Variants in BET1 observed in about 807,000 individuals in gnomAD.
BET1 encodes the protein BET1 homolog.
A neutral mutation model predicts 13.9 loss-of-function variants in BET1; 9 were observed. The ratio of observed to expected loss-of-function variants is 0.65; its 90% CI spans 0.39 to 1.13. The LOEUF is 1.13. Ranked by LOEUF, BET1 falls within the 50% of genes most tolerant of loss-of-function variation. The probability of loss-of-function intolerance (pLI) is 0.01; values close to 1 mark genes in which losing one functional copy is unlikely to be tolerated. For synonymous variants in BET1, 39 were observed against 47.3 expected, an observed-to-expected ratio of 0.82 and a Z score of 0.72; for missense variants, 127 against 133.6, an observed-to-expected ratio of 0.95 and a Z score of 0.24.
chr7:93,992,287 G>C (rs1795652328), downstream of BET1: 2 of 985,204 alleles, frequency 2.0e-6, no homozygotes, highest in African/African-American at 3.5e-5. Context: ...CTATCTGCTT[G>C]ATGATACTGT....
At chr7:93,994,426 C>A in intron 3 of BET1, 41 bp from the exon 4 acceptor site, 1 of 1,576,428 alleles carries the variant, frequency 6.3e-7, no homozygotes, top group Non-Finnish European at 8.7e-7. Flanking sequence ...CAGTTAGATT[C>A]TAAGAGTCTA....
chr7:93,997,881 C>A (rs2116130327), intron 2 of BET1, among the ~76,000 whole-genome samples: 2 of 152,176 alleles, frequency 1.3e-5, no homozygotes, highest in Middle Eastern at 3.4e-3. Flanking sequence ...ACAAATAATG[C>A]CAATGCAAAT....
In BET1 at chr7:93,994,027, G is replaced by A. The variant is rs1485787030; in HGVS notation, c.*203C>T. Reference sequence around the variant, plus strand: ...CACCCTCTCACTACCCCTGAAAATAGGGGCTAAAATGAGTCATTAAGAAAC... The same window carrying A: ...CACCCTCTCACTACCCCTGAAAATAAGGGCTAAAATGAGTCATTAAGAAAC... On this transcript the variant is annotated 3_prime_UTR_variant, in exon 4 of 4. Coordinates refer to ENST00000222547, the MANE Select transcript of BET1 (RefSeq NM_005868.6). The A allele has an allele frequency of 2.7e-6, 4 of 1,489,058 alleles. No individual in the cohort carries two copies. The highest frequency in any genetic ancestry group is 3.5e-6 in the Non-Finnish European group (4 of 1,127,230). 92.2% of individuals were successfully genotyped at this position (1,489,058 alleles called of 1,614,324 possible).
intron 2 of BET1, among the ~76,000 whole-genome samples, chr7:93,998,228 C>T (rs535493735): frequency 8.5e-5 from 13 of 152,236 alleles, no homozygotes; most frequent in African/African-American, 2.9e-4. Flanking sequence ...AATCAAGCTA[C>T]GAAGCATGAA....
chr7:93,972,236 C>T (rs2116034917), intron 6 of BET1: 1 of 151,956 alleles, frequency 6.6e-6, no homozygotes, highest in South Asian at 2.1e-4. Context: ...ACTGTAAGTT[C>T]AATAACATTG....
At chr7:93,988,414 T>A (rs769392801), downstream of BET1, among the ~76,000 whole-genome samples, 1 of 152,214 alleles carries the variant, frequency 6.6e-6, no homozygotes, top group Non-Finnish European at 1.5e-5. Flanking sequence ...GAGTTTTACA[T>A]AGCAGATGCT....
At chr7:93,998,131 T>C (rs1795811982) in intron 2 of BET1, among the ~76,000 whole-genome samples, 1 of 152,120 alleles carries the variant, frequency 6.6e-6, no homozygotes, top group Non-Finnish European at 1.5e-5. Flanking sequence ...GTGTAATTTG[T>C]CTAGCAGGAA....
At chr7:93,997,466 A>G (rs28514339) in intron 2 of BET1, among the ~76,000 whole-genome samples, 19,822 of 152,160 alleles carry the variant, frequency 0.13, 3,795 homozygotes, top group African/African-American at 0.42. Context: ...GGGGGTTTTT[A>G]AAGGCATTTA....
chr7:93,974,884 A>C (rs1391675975), intron 5 of BET1, among the ~76,000 whole-genome samples: 1 of 152,100 alleles, frequency 6.6e-6, no homozygotes, highest in Non-Finnish European at 1.5e-5. Flanking sequence ...ACTTTTAGAA[A>C]GTGATCCAGG....
In BET1 at chr7:93,987,315, C is replaced by T. The variant is rs185554080; in HGVS notation, c.235+7037G>A. ...GAAAGCAGCTTTATTAATCAAATGC[C>T]GGCAGTTGAGGAAATGGCTAGGTTT... is the stretch of plus-strand genomic sequence containing the variant. On this transcript the variant is annotated intron_variant and NMD_transcript_variant, in intron 4 of 6. Transcript: ENST00000357520. The T allele has an allele frequency of 3.3e-5, 5 of 152,098 alleles. No individual in the cohort carries two copies. The East Asian group carries it at 5.8e-4, about 18-fold the overall frequency. 9.4% of individuals were successfully genotyped at this position (152,098 alleles called of 1,614,324 possible). A position where few individuals can be genotyped will look rare whatever the true frequency, so the allele number is the denominator to read the frequency against.
intron 5 of BET1, among the ~76,000 whole-genome samples, chr7:93,975,305 A>G (rs557303796): frequency 2.0e-5 from 3 of 152,270 alleles, no homozygotes; most frequent in Admixed American, 6.6e-5. Flanking sequence ...CTATTTTTAT[A>G]ACTTTTCTGT....
rs771642519 is a variant in BET1, at chr7:93,993,594, G to A, written c.*636C>T. ...GTTAATATGAAATAATAACTATACT[G>A]ATACACATGTGCAATGGGCCCTACC... On this transcript the variant is annotated 3_prime_UTR_variant, in exon 4 of 4. Coordinates refer to ENST00000222547, the MANE Select transcript of BET1 (RefSeq NM_005868.6). 4.3e-6 allele frequency: 5 copies of A among 1,169,110 alleles called. No individual in the cohort carries two copies. The highest frequency in any genetic ancestry group is 5.3e-6 in the Non-Finnish European group (5 of 946,146). The allele number at this position is 1,169,110 out of a possible 1,614,324, so 72.4% of individuals were successfully genotyped here. A position where few individuals can be genotyped will look rare whatever the true frequency, so the allele number is the denominator to read the frequency against.
intron 1 of BET1, among the ~76,000 whole-genome samples, chr7:94,001,865 T>C (rs924193013): frequency 1.1e-4 from 16 of 152,232 alleles, no homozygotes; most frequent in Admixed American, 8.5e-4. Context: ...TTAACTGCTA[T>C]TTTTTCTTTC....
chr7:93,981,918 CT>C (rs1452287964), intron 4 of BET1, among the ~76,000 whole-genome samples: 1 of 152,130 alleles, frequency 6.6e-6, no homozygotes, highest in Non-Finnish European at 1.5e-5. Context: ...ATCCTTCCAG[CT>C]GGGAAGCAAA....
At chr7:93,996,471 C>A in intron 2 of BET1, 150 bp from the exon 3 acceptor site, 1 of 531,814 alleles carries the variant, frequency 1.9e-6, no homozygotes, top group Non-Finnish European at 3.2e-6. Context: ...CTTTTTCTAC[C>A]AAGATCAATA....
At chr7:93,975,801 A>G in intron 5 of BET1, 4 of 470,304 alleles carry the variant, frequency 8.5e-6, no homozygotes, top group Non-Finnish European at 1.2e-5. Context: ...GAAGAATGTC[A>G]TGATGTTCTC....
chr7:93,991,952 T>C, downstream of BET1: 11 of 984,468 alleles, frequency 1.1e-5, no homozygotes, highest in South Asian at 4.7e-5. Flanking sequence ...AACTATTTTA[T>C]AGAACCAGAG....
At chr7:93,987,508 G>A (rs1237183593) in intron 4 of BET1, among the ~76,000 whole-genome samples, 2 of 152,044 alleles carry the variant, frequency 1.3e-5, no homozygotes, top group South Asian at 2.1e-4. Flanking sequence ...CACTGTGGCT[G>A]GGTCATAGAT....
In BET1 at chr7:93,993,464, C is replaced by G; in HGVS notation, c.*766G>C. The G allele has an allele frequency of 1.0e-6, 1 of 979,392 alleles. No individual in the cohort carries two copies. Among genetic ancestry groups the G allele is most frequent in the Non-Finnish European group, 1.2e-6 (1 of 823,296 alleles). 60.7% of individuals were successfully genotyped at this position (979,392 alleles called of 1,614,324 possible). Reference sequence around the variant, plus strand: ...TTGCATACTATTTCCATTTAAAGTTCAGTAATTACTTAACTTCACATTATT... The same window carrying G: ...TTGCATACTATTTCCATTTAAAGTTGAGTAATTACTTAACTTCACATTATT... On this transcript the variant is annotated 3_prime_UTR_variant, in exon 4 of 4. Transcript: ENST00000222547.
Sources: gnomAD v4.1 joint callset for allele counts (sites outside exome capture counted in the v4.1 genomes callset) on GRCh38, gnomAD v4.1.1 for gene constraint, MANE v1.5 for transcripts, NCBI Gene and HGNC (gene_info 2026-07-23, HGNC 2026-07-21) for gene names.